Variants in SLC4A10 observed in about 807,000 individuals in gnomAD.
SLC4A10 encodes solute carrier family 4 member 10.
A neutral mutation model predicts 137.7 loss-of-function variants in SLC4A10; 42 were observed. The ratio of observed to expected loss-of-function variants is 0.30; its 90% CI spans 0.24 to 0.39. The LOEUF is 0.39. SLC4A10 is among the 10% of genes least tolerant of loss of function. SLC4A10 has a pLI of 1.00. For missense variants in SLC4A10, 925 were observed against 1,355.0 expected (o/e 0.68, Z 4.98); for synonymous variants, 474 against 464.1 (o/e 1.02, Z -0.27).
intron 1 of SLC4A10, among the ~76,000 whole-genome samples, chr2:161,681,801 G>A (rs554600217): frequency 5.9e-5 from 9 of 152,100 alleles, no homozygotes; most frequent in African/African-American, 2.2e-4. Flanking sequence ...TGCCTTCCTG[G>A]AATGAAAACC....
At chr2:161,934,684 C>G (rs1007663874) in intron 15 of SLC4A10, among the ~76,000 whole-genome samples, 5 of 152,014 alleles carry the variant, frequency 3.3e-5, no homozygotes, top group Non-Finnish European at 7.4e-5. Flanking sequence ...ATTTGCATTT[C>G]TCTGATCATT....
intron 1 of SLC4A10, among the ~76,000 whole-genome samples, chr2:161,676,663 C>G (rs2040308368): frequency 6.6e-6 from 1 of 152,134 alleles, no homozygotes; most frequent in South Asian, 2.1e-4. Context: ...TGTCCCTTTA[C>G]TTTGGAGCAT....
intron 1 of SLC4A10, among the ~76,000 whole-genome samples, chr2:161,750,909 ATATATT>A (rs1241709038): frequency 2.6e-5 from 4 of 151,716 alleles, no homozygotes; most frequent in African/African-American, 7.2e-5. Flanking sequence ...GTGGGTCTAT[ATATATT>A]TATAATTGTT....
At chr2:161,741,259 A>G (rs1227769758) in intron 1 of SLC4A10, among the ~76,000 whole-genome samples, 2 of 1,084 alleles carry the variant, frequency 1.8e-3, no homozygotes, top group East Asian at 0.25. Flanking sequence ...AAAGACTCTC[A>G]AAAAAAAAAA....
intron 1 of SLC4A10, among the ~76,000 whole-genome samples, chr2:161,761,098 G>C (rs1297813924): frequency 1.3e-5 from 2 of 152,024 alleles, no homozygotes; most frequent in Non-Finnish European, 2.9e-5. Context: ...TCAAGACAGA[G>C]AGATTACATA....
intron 1 of SLC4A10, among the ~76,000 whole-genome samples, chr2:161,673,676 A>T (rs1337307312): frequency 4.6e-5 from 7 of 152,066 alleles, no homozygotes; most frequent in South Asian, 2.1e-4. Context: ...TAATACATTT[A>T]AAAAAATGAG....
chr2:161,903,264 T>A (rs1381187270), intron 12 of SLC4A10, among the ~76,000 whole-genome samples: 1 of 152,208 alleles, frequency 6.6e-6, no homozygotes, highest in African/African-American at 2.4e-5. Flanking sequence ...CCAAGTAAGG[T>A]CACTATTGTC....
chr2:161,925,117 C>G (rs1468283661), intron 15 of SLC4A10, among the ~76,000 whole-genome samples: 1 of 152,126 alleles, frequency 6.6e-6, no homozygotes, highest in Non-Finnish European at 1.5e-5. Context: ...AGAAACAGCA[C>G]CAAGTCACAT....
intron 1 of SLC4A10, among the ~76,000 whole-genome samples, chr2:161,765,756 A>C (rs1386856724): frequency 6.6e-6 from 1 of 152,120 alleles, no homozygotes; most frequent in Non-Finnish European, 1.5e-5. Context: ...AGGATGCATT[A>C]ATGTGTTTGA....
intron 15 of SLC4A10, among the ~76,000 whole-genome samples, chr2:161,933,235 CTTTCT>C (rs1164920728): frequency 4.5e-5 from 5 of 112,012 alleles, no homozygotes; most frequent in Non-Finnish European, 7.5e-5. Flanking sequence ...TTCTTTCTTT[CTTTCT>C]TTCTTTCTTT....
chr2:161,651,854 C>G (rs567909192), intron 1 of SLC4A10, among the ~76,000 whole-genome samples: 2 of 152,118 alleles, frequency 1.3e-5, no homozygotes, highest in Admixed American at 6.5e-5. Context: ...AGGCTGGTTG[C>G]GCAAGCCGAG....
At chr2:161,662,350 T>C (rs1402255586) in intron 1 of SLC4A10, among the ~76,000 whole-genome samples, 1 of 152,162 alleles carries the variant, frequency 6.6e-6, no homozygotes, top group African/African-American at 2.4e-5. Context: ...TTATTATAAT[T>C]AGTGTGTATT....
At chr2:161,637,056 T>C (rs560756574) in intron 1 of SLC4A10, among the ~76,000 whole-genome samples, 2 of 135,268 alleles carry the variant, frequency 1.5e-5, no homozygotes, top group African/African-American at 5.2e-5. Context: ...TAGATATATA[T>C]GTATATATCT....
At chr2:161,679,303 T>C (rs750633716) in intron 1 of SLC4A10, among the ~76,000 whole-genome samples, 2 of 152,140 alleles carry the variant, frequency 1.3e-5, no homozygotes, top group Non-Finnish European at 2.9e-5. Context: ...AGGTAATAAA[T>C]CATATTTTGC....
chr2:161,691,037 A>G (rs536674652), intron 1 of SLC4A10, among the ~76,000 whole-genome samples: 1 of 152,160 alleles, frequency 6.6e-6, no homozygotes, highest in Non-Finnish European at 1.5e-5. Flanking sequence ...TTCCATATGC[A>G]TATAGACACT....
At chr2:161,875,017 G>A (rs573815841) in intron 8 of SLC4A10, among the ~76,000 whole-genome samples, 1 of 152,156 alleles carries the variant, frequency 6.6e-6, no homozygotes, top group African/African-American at 2.4e-5. Context: ...GAATGTTTTG[G>A]TCTCCACTGG....
At chr2:161,722,822 G>A (rs2045832510) in intron 1 of SLC4A10, among the ~76,000 whole-genome samples, 1 of 152,176 alleles carries the variant, frequency 6.6e-6, no homozygotes, top group Non-Finnish European at 1.5e-5. Context: ...CTCCCCACAG[G>A]GCCTCCATCC....
intron 10 of SLC4A10, among the ~76,000 whole-genome samples, chr2:161,890,313 C>T (rs2062778495): frequency 6.6e-6 from 1 of 151,880 alleles, no homozygotes; most frequent in Non-Finnish European, 1.5e-5. Context: ...TCTGCTTGGT[C>T]CAGAGCTGAG....
At chr2:161,746,472 C>G (rs1365337159) in intron 1 of SLC4A10, among the ~76,000 whole-genome samples, 1 of 152,016 alleles carries the variant, frequency 6.6e-6, no homozygotes, top group African/African-American at 2.4e-5. Context: ...GCCTAGGTCT[C>G]TCACTTCAGG....
Sources: gnomAD v4.1 joint callset for allele counts (sites outside exome capture counted in the v4.1 genomes callset) on GRCh38, gnomAD v4.1.1 for gene constraint, MANE v1.5 for transcripts, NCBI Gene and HGNC (gene_info 2026-07-23, HGNC 2026-07-21) for gene names.